AKAP13: variants seen among roughly 807,000 people sequenced by gnomAD.
AKAP13 encodes A-kinase anchor protein 13.
A neutral mutation model predicts 264.5 loss-of-function variants in AKAP13; 80 were observed. That is an observed-to-expected ratio of 0.30 (90% CI 0.25 to 0.36). The LOEUF is 0.36. AKAP13 is among the 10% of genes least tolerant of loss of function. The probability of loss-of-function intolerance (pLI) is 1.00; values close to 1 mark genes in which losing one functional copy is unlikely to be tolerated. For synonymous variants in AKAP13, 1,380 were observed against 1,250.2 expected (o/e 1.10, Z -2.19); for missense variants, 3,712 against 3,435.2 (o/e 1.08, Z -2.01).
At chr15:85,479,119 A>G (rs765741868) in intron 1 of AKAP13, among the ~76,000 whole-genome samples, 7 of 152,094 alleles carry the variant, frequency 4.6e-5, no homozygotes, top group African/African-American at 7.2e-5. Context: ...GTGGTATTTT[A>G]CTTTTTTGAT....
intron 23 of AKAP13, among the ~76,000 whole-genome samples, chr15:85,721,061 A>G (rs867052424): frequency 2.0e-4 from 31 of 152,208 alleles, no homozygotes; most frequent in Admixed American, 1.7e-3. Flanking sequence ...CTCTGGTTTC[A>G]TCTAACTTTT....
chr15:85,489,624 A>C (rs1315845257), intron 2 of AKAP13, among the ~76,000 whole-genome samples: 1 of 152,220 alleles, frequency 6.6e-6, no homozygotes, highest in South Asian at 2.1e-4. Context: ...GCCAGGGGTG[A>C]GTATCATCAT....
At chr15:85,664,491 A>G in intron 12 of AKAP13, 72 bp from the exon 13 acceptor site, 1 of 1,456,878 alleles carries the variant, frequency 6.9e-7, no homozygotes, top group Non-Finnish European at 9.3e-7. Context: ...ATATACCCAA[A>G]GGGATTTTGT....
intron 1 of AKAP13, among the ~76,000 whole-genome samples, chr15:85,426,555 T>C (rs1032283755): frequency 2.0e-5 from 3 of 152,154 alleles, no homozygotes; most frequent in East Asian, 1.9e-4. Context: ...TCACATGTGG[T>C]CTTATAAAGA....
At chr15:85,430,498 G>C (rs2072979268) in intron 1 of AKAP13, among the ~76,000 whole-genome samples, 1 of 152,202 alleles carries the variant, frequency 6.6e-6, no homozygotes, top group South Asian at 2.1e-4. Context: ...GTGAGTGATT[G>C]GAATGCTAGT....
chr15:85,395,693 A>G (rs1055610752), intron 1 of AKAP13, among the ~76,000 whole-genome samples: 2 of 152,124 alleles, frequency 1.3e-5, no homozygotes, highest in Non-Finnish European at 2.9e-5. Flanking sequence ...CAAACAATCC[A>G]ATAAATGATT....
Position 85,509,326 on chromosome 15 carries a change from T to C in AKAP13, c.34-12102T>C, listed in dbSNP as rs75948406. ...CATGTTGCATTTAAGAAATAGTGAG[T>C]GCTAAATAATATTAAAGATTTTTGT... On this transcript the variant is annotated intron_variant, in intron 2 of 36. Coordinates refer to ENST00000394518, the MANE Select transcript of AKAP13 (RefSeq NM_007200.5). Among the ~76,000 whole-genome samples the C allele has an allele frequency of 3.1e-3, 471 of 152,278 alleles. 4 individuals are homozygous for C. Among genetic ancestry groups the C allele is most frequent in the African/African-American group, 0.011 (453 of 41,562 alleles).
rs538261980 is a variant in AKAP13 at position 85,405,685 on chromosome 15, A to G, written c.-12+24887A>G. On this transcript the variant is annotated intron_variant, in intron 1 of 36. Transcript: ENST00000394518. ...GGATCCAGAACTTCGGCCAAAGTCA[A>G]TTTCATTCCAAAGCCAGTGTTCTTT... 8.2e-4 allele frequency among the ~76,000 whole-genome samples: 125 copies of G among 152,274 alleles called. 1 individual carries two copies. Among genetic ancestry groups the G allele is most frequent in the Admixed American group, 2.4e-3 (36 of 15,302 alleles).
chr15:85,470,807 A>G (rs533898473), intron 1 of AKAP13, among the ~76,000 whole-genome samples: 4 of 152,186 alleles, frequency 2.6e-5, no homozygotes, highest in Non-Finnish European at 5.9e-5. Context: ...ATTTTATGTT[A>G]CTTTGGAGAT....
At chr15:85,460,693 C>T (rs1203139399) in intron 1 of AKAP13, among the ~76,000 whole-genome samples, 1 of 152,172 alleles carries the variant, frequency 6.6e-6, no homozygotes, top group Admixed American at 6.5e-5. Context: ...AGCAGAGAAC[C>T]TTTCTTGCCT....
At chr15:85,734,668 A>G (rs2088308912) in intron 30 of AKAP13, among the ~76,000 whole-genome samples, 1 of 152,200 alleles carries the variant, frequency 6.6e-6, no homozygotes, top group East Asian at 1.9e-4. Context: ...AATCCATCTT[A>G]CTTTCCAGGG....
At chr15:85,525,231 TG>T (rs1470940449) in intron 3 of AKAP13, among the ~76,000 whole-genome samples, 2 of 151,988 alleles carry the variant, frequency 1.3e-5, no homozygotes, top group African/African-American at 2.4e-5. Flanking sequence ...CTAATTTTTT[TG>T]TATTTTTAGT....
At chr15:85,575,054 G>A (rs1036981517) in intron 5 of AKAP13, 77 bp from the exon 6 acceptor site, 4 of 1,416,358 alleles carry the variant, frequency 2.8e-6, no homozygotes, top group African/African-American at 1.4e-5. Flanking sequence ...TTAGAAATAC[G>A]AAGTAAGACT....
chr15:85,546,327 C>CAA (rs1567117426), intron 5 of AKAP13, among the ~76,000 whole-genome samples: 1 of 145,450 alleles, frequency 6.9e-6, no homozygotes, highest in Non-Finnish European at 1.5e-5. Flanking sequence ...ACCAAACACA[C>CAA]ACACACACAC....
chr15:85,688,955 TGCATGGTGTTCGAGTTCACAAAGG>T (rs2085101920), intron 16 of AKAP13, among the ~76,000 whole-genome samples: 1 of 152,242 alleles, frequency 6.6e-6, no homozygotes, highest in East Asian at 1.9e-4. Context: ...AACACTCATA[TGCATGGTGTTCGAGTTCACAAAGG>T]GAGTGTGGAA....
At chr15:85,664,408 G>A (rs576755390) in intron 12 of AKAP13, among the ~76,000 whole-genome samples, 155 bp from the exon 13 acceptor site, 3 of 152,192 alleles carry the variant, frequency 2.0e-5, no homozygotes, top group African/African-American at 7.2e-5. Context: ...GGAAAGGTAG[G>A]TAGTATTCTT....
chr15:85,617,028 G>A (rs1310554212), intron 8 of AKAP13, among the ~76,000 whole-genome samples: 1 of 152,190 alleles, frequency 6.6e-6, no homozygotes, highest in Non-Finnish European at 1.5e-5. Context: ...TAGTCTTTAT[G>A]TCTCAAACAG....
At chr15:85,729,826 C>G (rs1280840175) in intron 29 of AKAP13, among the ~76,000 whole-genome samples, 5 of 152,156 alleles carry the variant, frequency 3.3e-5, no homozygotes, top group African/African-American at 1.2e-4. Flanking sequence ...ATCCCAGCTC[C>G]TTAGGAGGCT....
intron 1 of AKAP13, among the ~76,000 whole-genome samples, chr15:85,428,051 C>G (rs1051470003): frequency 2.0e-5 from 3 of 152,186 alleles, no homozygotes; most frequent in African/African-American, 7.2e-5. Context: ...CAGGTACTCA[C>G]TGTACCTGAC....
Sources: allele counts gnomAD v4.1 joint callset (sites outside exome capture counted in the v4.1 genomes callset), GRCh38; gene constraint gnomAD v4.1.1; transcripts MANE v1.5; gene names NCBI Gene and HGNC (gene_info 2026-07-23, HGNC 2026-07-21).